RMND1: variants seen among roughly 807,000 people sequenced by gnomAD.
RMND1 encodes required for meiotic nuclear division 1 homolog.
A neutral mutation model predicts 54.0 loss-of-function variants in RMND1; 41 were observed. The observed-to-expected ratio is 0.76, with a 90% CI of 0.59 to 0.98. RMND1 has a LOEUF of 0.98. Among genes scored for constraint, RMND1 ranks in the 50% least tolerant of loss-of-function variants. The pLI is 0.00. For missense variants in RMND1, 457 were observed against 532.0 expected (o/e 0.86, Z 1.39); for synonymous variants, 183 against 181.7 (o/e 1.01, Z -0.06).
intron 10 of RMND1, among the ~76,000 whole-genome samples, chr6:151,408,187 T>A (rs539232831): frequency 6.6e-6 from 1 of 151,996 alleles, no homozygotes; most frequent in African/African-American, 2.4e-5. Context: ...AGAAAGTGCT[T>A]GGAAGTGAGG....
At chr6:151,412,027 T>A (rs999974965) in intron 10 of RMND1, 1 of 152,338 alleles carries the variant, frequency 6.6e-6, no homozygotes, top group African/African-American at 2.4e-5. Flanking sequence ...TGCCTTTTTT[T>A]TTCTTGAGAC....
In RMND1 at chr6:151,434,068, T is replaced by A. The variant is rs190634382; in HGVS notation, c.614-838A>T. Among the ~76,000 whole-genome samples the A allele has an allele frequency of 8.5e-3, 1,296 of 151,940 alleles. 25 individuals are homozygous for A. Among genetic ancestry groups the A allele is most frequent in the African/African-American group, 0.029 (1,195 of 41,444 alleles). ...CTCACTATGTTGCCCAGGCTGGTCG[T>A]GAACTCCTCAGCTCAAGCCATCTGC... On this transcript the variant is annotated intron_variant, in intron 3 of 11. Coordinates refer to ENST00000444024, the MANE Select transcript of RMND1 (RefSeq NM_017909.4).
chr6:151,439,267 C>G (rs982869839), intron 2 of RMND1, among the ~76,000 whole-genome samples: 2 of 152,158 alleles, frequency 1.3e-5, no homozygotes, highest in African/African-American at 4.8e-5. Flanking sequence ...TGGAATAGTT[C>G]CATTTATCAA....
chr6:151,412,067 TTG>T (rs1779855151), intron 10 of RMND1, among the ~76,000 whole-genome samples: 1 of 152,226 alleles, frequency 6.6e-6, no homozygotes, highest in Non-Finnish European at 1.5e-5. Flanking sequence ...CAGGCTGATC[TTG>T]GCTCACTGCA....
At chr6:151,438,496 G>A (rs528181158) in intron 2 of RMND1, among the ~76,000 whole-genome samples, 86 of 152,306 alleles carry the variant, frequency 5.6e-4, no homozygotes, top group African/African-American at 1.9e-3. Context: ...TGTCTCTTTT[G>A]CTAGAATCGG....
intron 1 of RMND1, among the ~76,000 whole-genome samples, chr6:151,449,247 T>C (rs1399612693): frequency 1.3e-5 from 2 of 151,556 alleles, no homozygotes; most frequent in Non-Finnish European, 2.9e-5. Context: ...CGGGTGCCTG[T>C]AATCCCAGTT....
chr6:151,427,085 A>ATG (rs1562791710), intron 6 of RMND1, among the ~76,000 whole-genome samples: 1 of 150,638 alleles, frequency 6.6e-6, no homozygotes, highest in Non-Finnish European at 1.5e-5. Flanking sequence ...TTTTCTTAAA[A>ATG]GTAAGTTTCC....
At chr6:151,443,806 G>A (rs1464110055) in intron 2 of RMND1, among the ~76,000 whole-genome samples, 3 of 152,002 alleles carry the variant, frequency 2.0e-5, no homozygotes, top group African/African-American at 7.3e-5. Context: ...TTTTTACTCT[G>A]CCCTCTCCCA....
chr6:151,418,340 G>A (rs953243744), intron 9 of RMND1, among the ~76,000 whole-genome samples: 13 of 152,036 alleles, frequency 8.6e-5, no homozygotes, highest in African/African-American at 2.4e-4. Flanking sequence ...TGTGAACCTC[G>A]GAGGCAGAGG....
chr6:151,447,544 T>C (rs747167479), intron 1 of RMND1, among the ~76,000 whole-genome samples: 2 of 152,170 alleles, frequency 1.3e-5, no homozygotes, highest in Non-Finnish European at 2.9e-5. Flanking sequence ...GTCAACACTC[T>C]TACCCACTAC....
At chr6:151,441,290 A>C (rs1212778242) in intron 2 of RMND1, among the ~76,000 whole-genome samples, 1 of 152,146 alleles carries the variant, frequency 6.6e-6, no homozygotes, top group Non-Finnish European at 1.5e-5. Flanking sequence ...ATACATTTAC[A>C]TTTGGTCTTT....
intron 1 of RMND1, among the ~76,000 whole-genome samples, chr6:151,450,940 C>G (rs907690116): frequency 1.3e-5 from 2 of 152,148 alleles, no homozygotes; most frequent in African/African-American, 2.4e-5. Flanking sequence ...GCTGTGTCCA[C>G]TCAGAGTTGA....
intron 2 of RMND1, among the ~76,000 whole-genome samples, chr6:151,438,704 C>A (rs770083519): frequency 1.4e-4 from 22 of 152,166 alleles, no homozygotes; most frequent in Non-Finnish European, 2.8e-4. Flanking sequence ...GGTCTCCAGC[C>A]CACACTGTCC....
intron 10 of RMND1, among the ~76,000 whole-genome samples, chr6:151,409,967 G>T (rs1779757941): frequency 6.6e-6 from 1 of 151,980 alleles, no homozygotes; most frequent in South Asian, 2.1e-4. Flanking sequence ...CAACTTTTTA[G>T]CATGTCTTAT....
At chr6:151,408,320 C>T (rs879478852) in intron 10 of RMND1, among the ~76,000 whole-genome samples, 10 of 151,966 alleles carry the variant, frequency 6.6e-5, no homozygotes, top group Admixed American at 2.0e-4. Context: ...AGCGAAACCC[C>T]GTCTCTACTA....
At chr6:151,418,121 A>G (rs917475903) in intron 9 of RMND1, among the ~76,000 whole-genome samples, 10 of 152,018 alleles carry the variant, frequency 6.6e-5, no homozygotes, top group African/African-American at 2.2e-4. Flanking sequence ...TTTTTTTATT[A>G]AAAATTTTAG....
chr6:151,423,051 CA>C (rs1257161575), intron 7 of RMND1, among the ~76,000 whole-genome samples: 1 of 152,068 alleles, frequency 6.6e-6, no homozygotes, highest in Non-Finnish European at 1.5e-5. Flanking sequence ...AGACTGCTGG[CA>C]AAAGAAATTC....
intron 2 of RMND1, among the ~76,000 whole-genome samples, chr6:151,440,809 T>C (rs1376983464): frequency 6.6e-6 from 1 of 152,244 alleles, no homozygotes; most frequent in African/African-American, 2.4e-5. Flanking sequence ...AAGAGAATCA[T>C]GGAATGTCTT....
At chr6:151,451,611 C>G (rs751851857) in intron 1 of RMND1, among the ~76,000 whole-genome samples, 9 of 152,146 alleles carry the variant, frequency 5.9e-5, no homozygotes, top group Non-Finnish European at 1.2e-4. Context: ...ACATAGTAGG[C>G]ATTCGATCGA....
Sources: gnomAD v4.1 joint callset for allele counts (sites outside exome capture counted in the v4.1 genomes callset) on GRCh38, gnomAD v4.1.1 for gene constraint, MANE v1.5 for transcripts, NCBI Gene and HGNC (gene_info 2026-07-23, HGNC 2026-07-21) for gene names.